PDE4DIP: variants seen among roughly 807,000 people sequenced by gnomAD.
PDE4DIP encodes the protein phosphodiesterase 4D interacting protein.
PDE4DIP carries 59 observed loss-of-function variants against 221.4 expected under a neutral mutation model. The observed-to-expected ratio is 0.27, with a 90% CI of 0.22 to 0.33. The LOEUF is 0.33. PDE4DIP is among the 10% of genes least tolerant of loss of function. The pLI is 1.00. For synonymous variants in PDE4DIP, 404 were observed against 815.9 expected, an observed-to-expected ratio of 0.50 and a Z score of 8.60; for missense variants, 1,036 against 2,154.2, an observed-to-expected ratio of 0.48 and a Z score of 10.28.
At chr1:148,967,831 C>T (rs112651497) in exon 13 of PDE4DIP, 45 of 1,144,562 alleles carry the variant, frequency 3.9e-5, no homozygotes, top group East Asian at 7.0e-5. Context: ...CAAATTTAGC[C>T]GTTGGCAGAA....
intron 2 of PDE4DIP, chr1:148,929,789 G>A (rs1166547855): frequency 6.5e-6 from 1 of 153,868 alleles, no homozygotes; most frequent in African/African-American, 2.4e-5. Flanking sequence ...AAAAGCGTTA[G>A]TGTGAAAGGA....
chr1:149,028,254 G>A (rs1376999317), intron 40 of PDE4DIP, among the ~76,000 whole-genome samples: 16 of 149,234 alleles, frequency 1.1e-4, no homozygotes, highest in African/African-American at 2.3e-4. Flanking sequence ...AGTATGAGAA[G>A]TCATCCTCTG....
rs587707637 is a variant in PDE4DIP at position 149,005,365 on chromosome 1, T to C, written c.4343T>C (p.Leu1448Pro). 2.5e-6 allele frequency: 4 copies of C among 1,612,610 alleles called. No homozygotes were observed. In the South Asian group the frequency reaches 3.3e-5, roughly 13 times the overall value. The change falls in exon 27 of 44, where the codon CTG becomes CCG. Residue 1448 changes from leucine (L) to proline (P), a missense_variant. Coordinates refer to ENST00000369354, the Ensembl canonical transcript of PDE4DIP. ...AGTCTCATCCAGAGAGTATCCCAGC[T>C]GGAGGCCCAGCTCCCAAAAAATGGA...
Position 149,031,841 on chromosome 1 carries a change from C to G in PDE4DIP, c.7000-103C>G. On this transcript the variant is annotated intron_variant, in intron 43 of 43. Transcript: ENST00000369354. The stretch of plus-strand genomic sequence containing the variant: ...ATCCTCTTAACTGGCTCTCACCGTG[C>G]TCCTGGCTTTGGTCACCACGTAGCT... 4 of 1,068,554 alleles carry G rather than the reference C, an allele frequency of 3.7e-6. No individual in the cohort carries two copies. In the South Asian group the frequency reaches 5.3e-5, roughly 14 times the overall value. The allele number at this position is 1,068,554 out of a possible 1,614,324, so 66.2% of individuals were successfully genotyped here.
At chr1:148,970,150 C>T (rs1331976995) in intron 14 of PDE4DIP, among the ~76,000 whole-genome samples, 1 of 149,258 alleles carries the variant, frequency 6.7e-6, no homozygotes, top group African/African-American at 2.5e-5. Context: ...TCTTTTTTGC[C>T]TATGTTATTT....
rs1575225656 is a variant in PDE4DIP, at chr1:149,005,922, C to G, written c.4415+485C>G. Among the ~76,000 whole-genome samples the G allele has an allele frequency of 5.8e-5, 8 of 138,030 alleles. No homozygotes were observed. In the South Asian group the frequency reaches 1.8e-3, roughly 31 times the overall value. The allele number at this position is 138,030 out of a possible 152,430, so 90.6% of individuals were successfully genotyped here. ...CCAAGGCAGGTAGAACACCTGAGGT[C>G]AGGTGTTCGAGACCAGCCTACCCAA... is the stretch of plus-strand genomic sequence containing the variant. On this transcript the variant is annotated intron_variant, in intron 27 of 43. Coordinates refer to ENST00000369354, the Ensembl canonical transcript of PDE4DIP.
At chr1:148,920,058 CT>C (rs1247328085) in intron 1 of PDE4DIP, among the ~76,000 whole-genome samples, 1 of 148,674 alleles carries the variant, frequency 6.7e-6, no homozygotes, top group African/African-American at 2.6e-5. Flanking sequence ...CCAATACTTT[CT>C]TGTCGACTTT....
rs782051569 is a variant in PDE4DIP, at chr1:148,953,908, A to G, written c.637-6746A>G. The G allele has an allele frequency of 5.0e-6, 8 of 1,610,216 alleles. No individual in the cohort carries two copies. In the South Asian group the frequency reaches 6.6e-5, roughly 13 times the overall value. Reference sequence around the variant, plus strand: ...ATTATTTGCCGCTCCGGGTCCAGGTATACAAAACGGCTACATAGTGCCTTT... The same window carrying G: ...ATTATTTGCCGCTCCGGGTCCAGGTGTACAAAACGGCTACATAGTGCCTTT... On this transcript the variant is annotated intron_variant, in intron 5 of 43. Transcript: ENST00000369354.
At chr1:148,940,964 A>G (rs1484900832) in intron 5 of PDE4DIP, among the ~76,000 whole-genome samples, 1 of 147,080 alleles carries the variant, frequency 6.8e-6, no homozygotes, top group African/African-American at 2.5e-5. Context: ...GTCATTTGGA[A>G]TTTGGTACAA....
At chr1:148,994,520 T>C (rs1439093199) in intron 22 of PDE4DIP, among the ~76,000 whole-genome samples, 2 of 150,882 alleles carry the variant, frequency 1.3e-5, no homozygotes, top group African/African-American at 4.9e-5. Flanking sequence ...AAAAAGCTAT[T>C]TTAAAAAAAT....
At chr1:148,937,192 T>C (rs2049391215) in intron 4 of PDE4DIP, among the ~76,000 whole-genome samples, 1 of 152,186 alleles carries the variant, frequency 6.6e-6, no homozygotes, top group Non-Finnish European at 1.5e-5. Flanking sequence ...TCCAGTATAA[T>C]CTTATTGGAC....
intron 21 of PDE4DIP, chr1:148,982,853 C>G (rs1483055517): frequency 6.6e-6 from 1 of 151,808 alleles, no homozygotes; most frequent in East Asian, 1.9e-4. Flanking sequence ...GCTTGTATTA[C>G]ATTCTAAATT....
chr1:149,020,064 G>A (rs1251963744), intron 35 of PDE4DIP, 83 bp from the exon 39 acceptor site: 9 of 556,946 alleles, frequency 1.6e-5, no homozygotes, highest in South Asian at 1.6e-4. Flanking sequence ...AGCTCTGTCT[G>A]TCAGGGTGGA....
chr1:148,917,883 TAAC>T (rs1573361732), intron 1 of PDE4DIP, among the ~76,000 whole-genome samples: 2 of 149,076 alleles, frequency 1.3e-5, no homozygotes, highest in East Asian at 4.0e-4. Context: ...TTAAAAAAAC[TAAC>T]AACAGAAGGA....
At position 149,032,583 on chromosome 1, in the gene PDE4DIP, T is replaced by C. The variant is rs587607025; in HGVS notation, c.*598T>C. On this transcript the variant is annotated 3_prime_UTR_variant, in exon 44 of 44. Coordinates refer to ENST00000369354, the Ensembl canonical transcript of PDE4DIP. Reference sequence around the variant, plus strand: ...ACCTGTGTTCTTTGAGTTCACATCATGAATGTGGTGACTTCCCAGATACCA... The same window carrying C: ...ACCTGTGTTCTTTGAGTTCACATCACGAATGTGGTGACTTCCCAGATACCA... The C allele has an allele frequency of 1.0e-3, 250 of 244,782 alleles. 5 individuals are homozygous for C. In the South Asian group the frequency reaches 0.016, roughly 16 times the overall value. The allele number at this position is 244,782 out of a possible 1,614,324, so 15.2% of individuals were successfully genotyped here. A position where few individuals can be genotyped will look rare whatever the true frequency, so the allele number is the denominator to read the frequency against.
At chr1:149,023,345 A>C (rs1296416011) in intron 37 of PDE4DIP, among the ~76,000 whole-genome samples, 1 of 151,870 alleles carries the variant, frequency 6.6e-6, no homozygotes, top group Non-Finnish European at 1.5e-5. Context: ...GCTCACATGC[A>C]ACTGGGTACA....
chr1:148,946,143 A>T (rs1466391769), intron 5 of PDE4DIP, among the ~76,000 whole-genome samples: 1 of 152,074 alleles, frequency 6.6e-6, no homozygotes, highest in African/African-American at 2.4e-5. Context: ...GTGGGCTTAG[A>T]ATTTCATAAA....
In PDE4DIP at chr1:148,952,243, C is replaced by A. The variant is rs373497154; in HGVS notation, c.637-8411C>A. The stretch of plus-strand genomic sequence containing the variant: ...ACTCGCCGTGAGCCAGGTGTGCAAC[C>A]GGATTTGGGGCGAGGGTCGCGCTGG... On this transcript the variant is annotated intron_variant, in intron 5 of 43. Coordinates refer to ENST00000369354, the Ensembl canonical transcript of PDE4DIP. The A allele has an allele frequency of 3.5e-5, 35 of 1,012,574 alleles. No individual in the cohort carries two copies. The Middle Eastern group carries it at 1.8e-3, about 53-fold the overall frequency. The allele number at this position is 1,012,574 out of a possible 1,614,324, so 62.7% of individuals were successfully genotyped here.
intron 26 of PDE4DIP, among the ~76,000 whole-genome samples, chr1:149,004,663 C>G (rs1263689677): frequency 1.3e-4 from 2 of 15,510 alleles, no homozygotes; most frequent in African/African-American, 6.0e-4. Context: ...AGTTTACCAC[C>G]TCTCTTTAAG....
Sources: allele counts gnomAD v4.1 joint callset (sites outside exome capture counted in the v4.1 genomes callset), GRCh38; gene constraint gnomAD v4.1.1; transcripts MANE v1.5; gene names NCBI Gene and HGNC (gene_info 2026-07-23, HGNC 2026-07-21).